Variants in TMEM132C observed in about 807,000 individuals in gnomAD.
TMEM132C encodes the protein protein phosphatase 1, regulatory subunit 152.
Under a neutral mutation model 61.4 loss-of-function variants are expected in TMEM132C, and 29 were observed. The ratio of observed to expected loss-of-function variants is 0.47; its 90% CI spans 0.35 to 0.64. The LOEUF is 0.64. Ranked by LOEUF, TMEM132C falls within the 30% of genes least tolerant of loss-of-function variation. The pLI, the probability that TMEM132C is intolerant of heterozygous loss-of-function variation, is 0.00. For synonymous variants in TMEM132C, 656 were observed against 633.1 expected (o/e 1.04, Z -0.54); for missense variants, 1,408 against 1,476.9 (o/e 0.95, Z 0.76).
intron 2 of TMEM132C, among the ~76,000 whole-genome samples, chr12:128,446,878 T>C (rs932727773): frequency 6.6e-6 from 1 of 152,152 alleles, no homozygotes; most frequent in Non-Finnish European, 1.5e-5. Context: ...CATAGACAGA[T>C]ACAAAATGCA....
chr12:128,697,277 A>G lies in TMEM132C; in HGVS notation c.1983A>G (p.Leu661=). ...TGGCAGAGAAGACAATAACCGTGCT[A>G]GATGACAAAGTATCGGTGACAGACT... ...SILAEKTITV[L]DDKVSVTDLA... The change falls in exon 8 of 9, where the codon CTA becomes CTG. Residue 661 remains leucine (L), a synonymous_variant. Coordinates refer to ENST00000435159, the MANE Select transcript of TMEM132C (RefSeq NM_001136103.3). 2 of 1,548,524 alleles carry G rather than the reference A, an allele frequency of 1.3e-6. No individual in the cohort carries two copies. Among genetic ancestry groups the G allele is most frequent in the East Asian group, 4.9e-5 (2 of 40,818 alleles).
chr12:128,335,942 A>G (rs977233931), intron 1 of TMEM132C, among the ~76,000 whole-genome samples: 8 of 151,922 alleles, frequency 5.3e-5, no homozygotes, highest in Non-Finnish European at 4.4e-5. Context: ...GATATTCTTA[A>G]AGATCTAATC....
At chr12:128,507,067 G>T (rs531325422) in intron 2 of TMEM132C, among the ~76,000 whole-genome samples, 3 of 152,092 alleles carry the variant, frequency 2.0e-5, no homozygotes, top group African/African-American at 7.2e-5. Flanking sequence ...ACCTGGCTTT[G>T]GGGCTCCTAG....
chr12:128,694,150 C>G, intron 6 of TMEM132C, 116 bp downstream of exon 6: 1 of 1,220,806 alleles, frequency 8.2e-7, no homozygotes, highest in East Asian at 2.6e-5. Flanking sequence ...AGTTGAATCT[C>G]CCCAGGGCTC....
rs1453997220 is a variant in TMEM132C, at chr12:128,654,053, C to G, written c.1306-15364C>G. Among the ~76,000 whole-genome samples the G allele has an allele frequency of 3.3e-5, 5 of 152,186 alleles. No homozygotes were observed. The East Asian group carries it at 9.6e-4, about 29-fold the overall frequency. On this transcript the variant is annotated intron_variant, in intron 4 of 8. Transcript: ENST00000435159. ...CAATGATTTATGTGAAAATTCTTTGCAAAGAATAAAGAGACATTGTTGCAG... is the reference window on the plus strand; with the variant it reads ...CAATGATTTATGTGAAAATTCTTTGGAAAGAATAAAGAGACATTGTTGCAG...
At chr12:128,457,092 A>G (rs959116511) in intron 2 of TMEM132C, among the ~76,000 whole-genome samples, 2 of 152,108 alleles carry the variant, frequency 1.3e-5, no homozygotes, top group Non-Finnish European at 2.9e-5. Context: ...TAAAGCTGCT[A>G]TGAATATTTA....
chr12:128,492,185 C>A (rs535141595), intron 2 of TMEM132C, among the ~76,000 whole-genome samples: 27 of 152,220 alleles, frequency 1.8e-4, no homozygotes, highest in African/African-American at 4.3e-4. Flanking sequence ...TGAACTCATC[C>A]TTTTTTATGG....
At chr12:128,675,872 GATAGATAGATAA>G (rs200005338) in intron 5 of TMEM132C, among the ~76,000 whole-genome samples, 16,462 of 128,544 alleles carry the variant, frequency 0.13, 1,224 homozygotes, top group African/African-American at 0.25. Flanking sequence ...TAGATAGATA[GATAGATAGATAA>G]ATAGATAGAT....
intron 2 of TMEM132C, among the ~76,000 whole-genome samples, chr12:128,486,075 CA>C (rs1232251872): frequency 2.0e-5 from 3 of 152,122 alleles, no homozygotes; most frequent in Non-Finnish European, 4.4e-5. Context: ...AGAAATGTGA[CA>C]ATGCAATAAT....
chr12:128,355,347 A>G (rs1044408363), intron 1 of TMEM132C, among the ~76,000 whole-genome samples: 12 of 152,216 alleles, frequency 7.9e-5, no homozygotes, highest in African/African-American at 2.6e-4. Context: ...TGGGGCTGCC[A>G]TCTGTATTGA....
At chr12:128,305,116 C>T (rs1406322146) in intron 1 of TMEM132C, among the ~76,000 whole-genome samples, 2 of 152,044 alleles carry the variant, frequency 1.3e-5, no homozygotes, top group Non-Finnish European at 2.9e-5. Context: ...TGGTGGCTCA[C>T]ACCTGTAATC....
rs556066514 is a variant in TMEM132C at position 128,502,353 on chromosome 12, C to T, written c.975-41604C>T. Among the ~76,000 whole-genome samples the T allele has an allele frequency of 4.6e-4, 70 of 152,294 alleles. 1 individual carries two copies. Among genetic ancestry groups the T allele is most frequent in the Middle Eastern group, 6.8e-3 (2 of 294 alleles). ...GTGTGTGTGCAGTTCTCCATGGAGACGTCAGGAAGAGGCTTGGGAGAACAA... is the reference window on the plus strand; with the variant it reads ...GTGTGTGTGCAGTTCTCCATGGAGATGTCAGGAAGAGGCTTGGGAGAACAA... On this transcript the variant is annotated intron_variant, in intron 2 of 8. Coordinates refer to ENST00000435159, the MANE Select transcript of TMEM132C (RefSeq NM_001136103.3).
chr12:128,557,995 C>T (rs543291464), intron 3 of TMEM132C, among the ~76,000 whole-genome samples: 18 of 152,308 alleles, frequency 1.2e-4, no homozygotes, highest in South Asian at 1.0e-3. Flanking sequence ...GGAAGTCGCG[C>T]GGTTTCGCGC....
chr12:128,378,290 T>C (rs1330752058), intron 1 of TMEM132C, among the ~76,000 whole-genome samples: 1 of 151,790 alleles, frequency 6.6e-6, no homozygotes, highest in Non-Finnish European at 1.5e-5. Context: ...AATTTTTTTG[T>C]ATTTTTTAGT....
At chr12:128,388,195 T>G (rs1874646908) in intron 1 of TMEM132C, among the ~76,000 whole-genome samples, 1 of 152,132 alleles carries the variant, frequency 6.6e-6, no homozygotes, top group South Asian at 2.1e-4. Flanking sequence ...TGGGCTGGCG[T>G]GGCCAACCCA....
At chr12:128,343,036 G>A (rs1315804578) in intron 1 of TMEM132C, among the ~76,000 whole-genome samples, 1 of 152,208 alleles carries the variant, frequency 6.6e-6, no homozygotes, top group African/African-American at 2.4e-5. Flanking sequence ...GGGATAGCAA[G>A]GTGGCCCAAG....
chr12:128,356,178 T>G (rs918127115), intron 1 of TMEM132C, among the ~76,000 whole-genome samples: 3 of 152,204 alleles, frequency 2.0e-5, no homozygotes, highest in Admixed American at 6.5e-5. Context: ...TTAGCTTGTG[T>G]TTCGGGGCCA....
intron 3 of TMEM132C, among the ~76,000 whole-genome samples, chr12:128,596,876 A>C (rs1032579306): frequency 6.6e-6 from 1 of 152,194 alleles, no homozygotes; most frequent in South Asian, 2.1e-4. Context: ...TATCATCTCC[A>C]TGGGACAAGC....
At chr12:128,406,633 G>C (rs1875355469) in intron 1 of TMEM132C, among the ~76,000 whole-genome samples, 1 of 152,144 alleles carries the variant, frequency 6.6e-6, no homozygotes, top group African/African-American at 2.4e-5. Context: ...AGACCCTGGA[G>C]ATATGAAGGA....
Sources: allele counts gnomAD v4.1 joint callset (sites outside exome capture counted in the v4.1 genomes callset), GRCh38; gene constraint gnomAD v4.1.1; transcripts MANE v1.5; gene names NCBI Gene and HGNC (gene_info 2026-07-23, HGNC 2026-07-21).